The following PTPN13 variants were observed in gnomAD, a reference collection of about 807,000 sequenced individuals.
The protein encoded by PTPN13 is protein tyrosine phosphatase non-receptor type 13.
Under a neutral mutation model 284.0 loss-of-function variants are expected in PTPN13, and 191 were observed. That is an observed-to-expected ratio of 0.67 (90% confidence interval 0.60 to 0.76). PTPN13 has a LOEUF of 0.76. Ranked by LOEUF, PTPN13 falls within the 30% of genes least tolerant of loss-of-function variation. PTPN13 has a pLI of 0.00. For missense variants in PTPN13, 2,797 were observed against 2,939.9 expected (o/e 0.95, Z 1.12); for synonymous variants, 986 against 1,022.3 (o/e 0.96, Z 0.68).
chr4:86,769,632 G>T, intron 28 of PTPN13, 137 bp from the exon 29 acceptor site: 1 of 593,818 alleles, frequency 1.7e-6, no homozygotes, highest in Middle Eastern at 4.5e-4. Context: ...CCATTGGAGT[G>T]CAGTAAGTAC....
intron 2 of PTPN13, among the ~76,000 whole-genome samples, chr4:86,657,213 G>T (rs926786485): frequency 6.6e-6 from 1 of 152,096 alleles, no homozygotes; most frequent in African/African-American, 2.4e-5. Context: ...GCTCATGCTC[G>T]GTGGGCTGCA....
intron 16 of PTPN13, 63 bp downstream of exon 16, chr4:86,741,879 AT>A: frequency 7.2e-7 from 1 of 1,392,014 alleles, no homozygotes. Flanking sequence ...CCAATGTAAC[AT>A]ATTAACAGAC....
chr4:86,741,390 T>C (rs1736154432), intron 15 of PTPN13, among the ~76,000 whole-genome samples: 1 of 152,068 alleles, frequency 6.6e-6, no homozygotes, highest in Non-Finnish European at 1.5e-5. Flanking sequence ...GAAGAGAGCT[T>C]GTACAGAGAA....
intron 1 of PTPN13, among the ~76,000 whole-genome samples, chr4:86,605,414 A>G (rs559308221): frequency 6.6e-6 from 1 of 152,066 alleles, no homozygotes; most frequent in South Asian, 2.1e-4. Flanking sequence ...TTTAAGATCA[A>G]AGGTGGTGAA....
At chr4:86,640,354 G>A (rs1228026566) in intron 2 of PTPN13, among the ~76,000 whole-genome samples, 1 of 152,088 alleles carries the variant, frequency 6.6e-6, no homozygotes, top group African/African-American at 2.4e-5. Flanking sequence ...GAATATACAG[G>A]ATGTAGCTAT....
chr4:86,762,398 CTATT>C (rs138543248), intron 23 of PTPN13, among the ~76,000 whole-genome samples: 2,435 of 152,156 alleles, frequency 0.016, 65 homozygotes, highest in African/African-American at 0.056. Flanking sequence ...GTGCAAATAA[CTATT>C]TAATAAGGAC....
At chr4:86,617,895 A>G (rs1307403303) in intron 1 of PTPN13, among the ~76,000 whole-genome samples, 4 of 151,538 alleles carry the variant, frequency 2.6e-5, no homozygotes, top group African/African-American at 7.3e-5. Context: ...CTCTGATGGT[A>G]GTTTCTTTTG....
intron 1 of PTPN13, among the ~76,000 whole-genome samples, chr4:86,598,763 G>T (rs951759390): frequency 2.0e-5 from 3 of 151,680 alleles, no homozygotes; most frequent in African/African-American, 7.3e-5. Flanking sequence ...GCTTTTTTAA[G>T]TTTTTTAATT....
Position 86,701,424 on chromosome 4 carries a change from C to T in PTPN13, c.818C>T (p.Ser273Phe). ...SGREDSENTFSPYQFKTSGPE... is the reference protein window; with the variant it reads ...SGREDSENTFFPYQFKTSGPE... ...CGTGAAGATTCTGAAAATACATTCT[C>T]CCCTTACCAGTTCAAAACTAGTGGC... The change falls in exon 7 of 48, where the codon TCC becomes TTC. Residue 273 changes from serine (S) to phenylalanine (F), a missense_variant. Ser to Phe is a radical substitution (Grantham distance 155, BLOSUM62 -2). Coordinates refer to ENST00000411767, the MANE Select transcript of PTPN13 (RefSeq NM_080683.3). 1 of 1,613,774 alleles carries T rather than the reference C, an allele frequency of 6.2e-7. No homozygotes were observed. Among genetic ancestry groups the T allele is most frequent in the Non-Finnish European group, 8.5e-7 (1 of 1,179,756 alleles).
intron 1 of PTPN13, among the ~76,000 whole-genome samples, chr4:86,618,482 AT>A (rs1272732207): frequency 6.6e-6 from 1 of 152,156 alleles, no homozygotes; most frequent in East Asian, 1.9e-4. Flanking sequence ...TGGTAGCTTG[AT>A]GGGGATGGCA....
chr4:86,669,447 ATAAG>A (rs1262659741), intron 2 of PTPN13, among the ~76,000 whole-genome samples: 7 of 151,980 alleles, frequency 4.6e-5, no homozygotes, highest in Non-Finnish European at 8.8e-5. Flanking sequence ...TACGCTATAA[ATAAG>A]TATGATTATA....
chr4:86,653,476 G>C (rs1578343293), intron 2 of PTPN13, among the ~76,000 whole-genome samples: 1 of 151,388 alleles, frequency 6.6e-6, no homozygotes, highest in Non-Finnish European at 1.5e-5. Context: ...GGCGCCCTAA[G>C]CTCCGGAGCG....
At chr4:86,646,133 G>C (rs555487884) in intron 2 of PTPN13, among the ~76,000 whole-genome samples, 1 of 151,686 alleles carries the variant, frequency 6.6e-6, no homozygotes, top group Non-Finnish European at 1.5e-5. Flanking sequence ...TTGTGTCCCT[G>C]AGTTAGGCAG....
intron 7 of PTPN13, among the ~76,000 whole-genome samples, chr4:86,702,685 T>C (rs1731293695): frequency 6.6e-6 from 1 of 152,160 alleles, no homozygotes; most frequent in Admixed American, 6.5e-5. Context: ...ATTTTCAGTA[T>C]AAATAGATGT....
At chr4:86,766,873 A>G (rs535824732) in intron 27 of PTPN13, among the ~76,000 whole-genome samples, 3 of 152,288 alleles carry the variant, frequency 2.0e-5, no homozygotes, top group Admixed American at 2.0e-4. Context: ...GTTGAAGTAC[A>G]TTTTGAGTTA....
chr4:86,801,064 T>G (rs942716235), intron 42 of PTPN13, among the ~76,000 whole-genome samples: 9 of 152,242 alleles, frequency 5.9e-5, no homozygotes, highest in African/African-American at 2.2e-4. Flanking sequence ...GCTACACTTG[T>G]GCAGTCTATA....
At chr4:86,686,937 T>A (rs944371874) in intron 4 of PTPN13, among the ~76,000 whole-genome samples, 162 bp downstream of exon 4, 2 of 152,248 alleles carry the variant, frequency 1.3e-5, no homozygotes, top group African/African-American at 4.8e-5. Flanking sequence ...ACTTTCAGGA[T>A]GAACTTTCAG....
intron 45 of PTPN13, among the ~76,000 whole-genome samples, chr4:86,808,133 G>A (rs1299326557): frequency 2.0e-5 from 3 of 152,178 alleles, no homozygotes; most frequent in African/African-American, 7.2e-5. Context: ...AAATGGAAAT[G>A]AAAATGCAGG....
Position 86,691,337 on chromosome 4 carries a change from A to G in PTPN13, c.546+2147A>G, listed in dbSNP as rs142728574. On this transcript the variant is annotated intron_variant, in intron 5 of 47. Transcript: ENST00000411767. ...CTGGATAAAGGCTGTGAAATGGGAA[A>G]GCAGGAATGTTTGGGGAACAGTATG... 5.7e-3 allele frequency among the ~76,000 whole-genome samples: 874 copies of G among 152,300 alleles called. 7 individuals are homozygous for G. The highest frequency in any genetic ancestry group is 0.019 in the African/African-American group (778 of 41,564).
Sources: gnomAD v4.1 joint callset for allele counts (sites outside exome capture counted in the v4.1 genomes callset) on GRCh38, gnomAD v4.1.1 for gene constraint, MANE v1.5 for transcripts, NCBI Gene and HGNC (gene_info 2026-07-23, HGNC 2026-07-21) for gene names.